Variants in AGBL4 observed in about 807,000 individuals in gnomAD.
AGBL4 encodes the protein cytosolic carboxypeptidase 6.
A neutral mutation model predicts 66.4 loss-of-function variants in AGBL4; 58 were observed. That is an observed-to-expected ratio of 0.87 (90% CI 0.71 to 1.09). AGBL4 has a LOEUF of 1.09. Ranked by LOEUF, AGBL4 falls within the 50% of genes least tolerant of loss-of-function variation. The pLI is 0.00. For synonymous variants in AGBL4, 234 were observed against 222.9 expected (o/e 1.05, Z -0.44); for missense variants, 579 against 631.0 (o/e 0.92, Z 0.88).
intron 11 of AGBL4, among the ~76,000 whole-genome samples, chr1:48,577,800 G>A (rs527497184): frequency 2.2e-3 from 334 of 152,284 alleles, no homozygotes; most frequent in Non-Finnish European, 2.1e-3. Flanking sequence ...GTGAGAGTGA[G>A]GGGTGAGAGT....
At chr1:49,327,077 T>C (rs1280638982) in intron 3 of AGBL4, among the ~76,000 whole-genome samples, 1 of 152,160 alleles carries the variant, frequency 6.6e-6, no homozygotes, top group African/African-American at 2.4e-5. Flanking sequence ...TCATGTCTCC[T>C]CTGACTTTAA....
At chr1:49,095,825 C>T (rs375326075) in intron 4 of AGBL4, among the ~76,000 whole-genome samples, 1 of 151,006 alleles carries the variant, frequency 6.6e-6, no homozygotes, top group Admixed American at 6.6e-5. Flanking sequence ...CAACAAAAGC[C>T]AAAATTGACA....
At chr1:48,564,711 A>G (rs765428590) in intron 11 of AGBL4, among the ~76,000 whole-genome samples, 3 of 152,254 alleles carry the variant, frequency 2.0e-5, no homozygotes, top group Admixed American at 6.5e-5. Context: ...GGGAGCAGTG[A>G]CAAGTGAGAC....
intron 5 of AGBL4, among the ~76,000 whole-genome samples, chr1:48,959,475 C>T (rs532667681): frequency 2.6e-5 from 4 of 152,228 alleles, no homozygotes; most frequent in African/African-American, 9.6e-5. Flanking sequence ...GGAGTTTATG[C>T]TTTAATAGAA....
At chr1:49,964,797 C>T (rs560058204) in intron 1 of AGBL4, among the ~76,000 whole-genome samples, 3 of 152,198 alleles carry the variant, frequency 2.0e-5, no homozygotes, top group Admixed American at 6.5e-5. Flanking sequence ...AAAGTCCAAA[C>T]ATTCAAAATT....
In AGBL4 at chr1:49,149,200, C is replaced by T. The variant is rs11205605; in HGVS notation, c.377+96570G>A. Among the ~76,000 whole-genome samples, 495 of 152,348 alleles carry T rather than the reference C, an allele frequency of 3.2e-3. 8 individuals carry two copies. The highest frequency in any genetic ancestry group is 0.011 in the African/African-American group (449 of 41,576). On this transcript the variant is annotated intron_variant, in intron 4 of 13. Transcript: ENST00000371839. Reference sequence around the variant, plus strand: ...AGTAGTTACCAGTCTCTTTACAGTGCTAAGATGTTCTCCAGAAGTAGCTGT... The same window carrying T: ...AGTAGTTACCAGTCTCTTTACAGTGTTAAGATGTTCTCCAGAAGTAGCTGT...
At chr1:49,760,217 T>C (rs1057489261) in intron 2 of AGBL4, among the ~76,000 whole-genome samples, 1 of 152,192 alleles carries the variant, frequency 6.6e-6, no homozygotes, top group African/African-American at 2.4e-5. Context: ...ATGGGTAGAT[T>C]GCAAAAATTT....
chr1:49,513,922 C>T (rs1031932695), intron 3 of AGBL4, among the ~76,000 whole-genome samples: 4 of 152,000 alleles, frequency 2.6e-5, no homozygotes, highest in Non-Finnish European at 5.9e-5. Flanking sequence ...CTTCCTTGCA[C>T]AAGGACTCCA....
intron 2 of AGBL4, among the ~76,000 whole-genome samples, chr1:49,799,813 C>G (rs1023319380): frequency 7.9e-5 from 12 of 152,040 alleles, no homozygotes; most frequent in African/African-American, 2.7e-4. Flanking sequence ...CCTTGAGTTT[C>G]TAGTACTTAT....
rs148116086 is a variant in AGBL4, at chr1:49,164,787, A to G, written c.377+80983T>C. Reference sequence around the variant, plus strand: ...TATCTATCTTCGATCTCCAGTCACTATGCCCACTCACTTGTGGGATACTCC... The same window carrying G: ...TATCTATCTTCGATCTCCAGTCACTGTGCCCACTCACTTGTGGGATACTCC... On this transcript the variant is annotated intron_variant, in intron 4 of 13. Coordinates refer to ENST00000371839, the MANE Select transcript of AGBL4 (RefSeq NM_032785.4). Among the ~76,000 whole-genome samples, 242 of 152,276 alleles carry G rather than the reference A, an allele frequency of 1.6e-3. 4 individuals are homozygous for G. Among genetic ancestry groups the G allele is most frequent in the African/African-American group, 5.7e-3 (235 of 41,566 alleles).
At chr1:48,904,625 CCT>C (rs1372728915) in intron 5 of AGBL4, among the ~76,000 whole-genome samples, 1 of 152,136 alleles carries the variant, frequency 6.6e-6, no homozygotes, top group African/African-American at 2.4e-5. Context: ...CCTTTCTGTG[CCT>C]CTGTTTCCTC....
chr1:49,087,131 C>T (rs1345918438), intron 4 of AGBL4, among the ~76,000 whole-genome samples: 1 of 152,064 alleles, frequency 6.6e-6, no homozygotes, highest in African/African-American at 2.4e-5. Context: ...TCAGCCCACA[C>T]AGATGAGAAA....
At chr1:49,141,102 G>A (rs1271059213) in intron 4 of AGBL4, among the ~76,000 whole-genome samples, 2 of 152,022 alleles carry the variant, frequency 1.3e-5, no homozygotes, top group African/African-American at 4.8e-5. Flanking sequence ...AAAAAAAGAA[G>A]ATATTATTAA....
chr1:49,995,233 T>C (rs1457676817), intron 1 of AGBL4: 1 of 455,796 alleles, frequency 2.2e-6, no homozygotes, highest in African/African-American at 2.0e-5. Flanking sequence ...GCTTTCTCAG[T>C]GGAGAGGCTT....
intron 3 of AGBL4, among the ~76,000 whole-genome samples, chr1:49,539,847 A>T (rs1651873745): frequency 1.3e-5 from 2 of 152,208 alleles, no homozygotes; most frequent in Non-Finnish European, 2.9e-5. Context: ...TTAAGGAGAA[A>T]GGATTTTTTA....
chr1:49,779,904 G>C (rs1273772560), intron 2 of AGBL4, among the ~76,000 whole-genome samples: 1 of 149,852 alleles, frequency 6.7e-6, no homozygotes, highest in Non-Finnish European at 1.5e-5. Flanking sequence ...AACGTTGAAA[G>C]AAAAAGACAA....
chr1:49,577,602 C>T (rs187711016), intron 3 of AGBL4, among the ~76,000 whole-genome samples: 8 of 152,286 alleles, frequency 5.3e-5, no homozygotes, highest in Admixed American at 5.2e-4. Flanking sequence ...ATGCTTCTGC[C>T]AAGACTACCA....
chr1:49,906,371 T>C (rs979738072), intron 1 of AGBL4, among the ~76,000 whole-genome samples: 3 of 152,058 alleles, frequency 2.0e-5, no homozygotes, highest in African/African-American at 7.2e-5. Context: ...ATCTCTCTTT[T>C]CCTTCAGTTT....
chr1:48,560,316 G>T (rs1644378807), intron 11 of AGBL4, among the ~76,000 whole-genome samples: 1 of 152,180 alleles, frequency 6.6e-6, no homozygotes, highest in Non-Finnish European at 1.5e-5. Context: ...CACAGCAACT[G>T]TGTCTGACTC....
Sources: allele counts gnomAD v4.1 joint callset (sites outside exome capture counted in the v4.1 genomes callset), GRCh38; gene constraint gnomAD v4.1.1; transcripts MANE v1.5; gene names NCBI Gene and HGNC (gene_info 2026-07-23, HGNC 2026-07-21).